The following RDX variants were observed in gnomAD, a reference collection of about 807,000 sequenced individuals.
The protein encoded by RDX is deafness, autosomal recessive 24.
A neutral mutation model predicts 83.7 loss-of-function variants in RDX; 32 were observed. The ratio of observed to expected loss-of-function variants is 0.38; its 90% CI spans 0.29 to 0.51. The LOEUF is 0.51. Among genes scored for constraint, RDX ranks in the 20% least tolerant of loss-of-function variants. The probability of loss-of-function intolerance (pLI) is 0.87; values close to 1 mark genes in which losing one functional copy is unlikely to be tolerated. For synonymous variants in RDX, 229 were observed against 222.7 expected (o/e 1.03, Z -0.25); for missense variants, 600 against 689.9 (o/e 0.87, Z 1.46).
At chr11:110,228,862 G>T (rs1331433939), downstream of RDX, among the ~76,000 whole-genome samples, 1 of 151,730 alleles carries the variant, frequency 6.6e-6, no homozygotes, top group African/African-American at 2.4e-5. Context: ...CAGGATCAGA[G>T]TAAAAAAATC....
At chr11:110,234,916 T>G (rs892410612) in intron 12 of RDX, among the ~76,000 whole-genome samples, 1 of 152,190 alleles carries the variant, frequency 6.6e-6, no homozygotes, top group African/African-American at 2.4e-5. Flanking sequence ...GGTAAAAAAA[T>G]TATCTTTTCA....
chr11:110,240,114 T>C (rs1865023956), intron 10 of RDX, among the ~76,000 whole-genome samples: 1 of 152,236 alleles, frequency 6.6e-6, no homozygotes, highest in Non-Finnish European at 1.5e-5. Flanking sequence ...CCTACGTTTA[T>C]TGCAGCACTA....
intron 10 of RDX, among the ~76,000 whole-genome samples, chr11:110,239,282 T>C (rs1864987614): frequency 6.7e-6 from 1 of 150,166 alleles, no homozygotes; most frequent in Admixed American, 6.6e-5. Flanking sequence ...GACATTGGTC[T>C]AGGCAAAGAT....
intron 10 of RDX, among the ~76,000 whole-genome samples, chr11:110,244,139 C>T (rs1267819546): frequency 1.3e-5 from 2 of 151,706 alleles, no homozygotes; most frequent in Non-Finnish European, 2.9e-5. Flanking sequence ...ATAAAATATA[C>T]CATATCCATA....
downstream of RDX, among the ~76,000 whole-genome samples, chr11:110,225,993 G>A (rs181255149): frequency 6.4e-3 from 967 of 150,176 alleles, 1 homozygote; most frequent in Non-Finnish European, 9.7e-3. Context: ...TTGAACCCAG[G>A]AGGCACAGGT....
chr11:110,225,659 A>T (rs903214602), downstream of RDX, among the ~76,000 whole-genome samples: 1 of 152,204 alleles, frequency 6.6e-6, no homozygotes, highest in African/African-American at 2.4e-5. Context: ...AACAATTGTT[A>T]GTGAGGATGT....
chr11:110,262,832 T>A (rs1374738032), intron 5 of RDX, among the ~76,000 whole-genome samples: 1 of 152,206 alleles, frequency 6.6e-6, no homozygotes, highest in Non-Finnish European at 1.5e-5. Flanking sequence ...AAGGGTGGAA[T>A]CGGTACTCAA....
At chr11:110,186,184 T>C (rs546018063) in intron 15 of RDX, among the ~76,000 whole-genome samples, 3 of 152,228 alleles carry the variant, frequency 2.0e-5, no homozygotes, top group African/African-American at 7.2e-5. Context: ...AATTCACGCG[T>C]GAAGAAAAGT....
intron 3 of RDX, among the ~76,000 whole-genome samples, chr11:110,266,720 A>G (rs1416701236): frequency 1.3e-5 from 2 of 152,096 alleles, no homozygotes; most frequent in East Asian, 3.9e-4. Flanking sequence ...GGCACATTCC[A>G]CCACACCTAG....
At chr11:110,236,744 C>T (rs1397651038) in intron 11 of RDX, 1 of 156,472 alleles carries the variant, frequency 6.4e-6, no homozygotes, top group Admixed American at 6.4e-5. Context: ...CTTCAGCCTC[C>T]CGAGTAGCTG....
chr11:110,257,151 G>GTATATGTAAATATACATATATTATACATA (rs1450485961), intron 7 of RDX, among the ~76,000 whole-genome samples: 7 of 150,906 alleles, frequency 4.6e-5, no homozygotes, highest in Non-Finnish European at 7.4e-5. Flanking sequence ...ACATATACAT[G>GTATATGTAAATATACATATATTATACATA]TATATGTAAA....
rs546481593 is a variant in RDX, at chr11:110,178,977, C to T, written c.*32-3743G>A. The stretch of plus-strand genomic sequence containing the variant: ...GTTACACCAAGCAACTAAAGACATT[C>T]GAGTTTGGGGTCCCTGCAAACAGGT... On this transcript the variant is annotated intron_variant, in intron 15 of 15. Coordinates refer to the RDX transcript ENST00000528498. Among the ~76,000 whole-genome samples, 13 of 152,276 alleles carry T rather than the reference C, an allele frequency of 8.5e-5. No homozygotes were observed. The South Asian group carries it at 2.3e-3, about 27-fold the overall frequency.
chr11:110,281,105 C>T (rs1860742850), intron 1 of RDX, among the ~76,000 whole-genome samples: 1 of 151,990 alleles, frequency 6.6e-6, no homozygotes, highest in African/African-American at 2.4e-5. Context: ...GCAGAGGTTG[C>T]AGTGAGCCGA....
chr11:110,206,421 ACTT>A (rs1302068963), intron 14 of RDX, among the ~76,000 whole-genome samples: 2 of 152,162 alleles, frequency 1.3e-5, no homozygotes, highest in Non-Finnish European at 2.9e-5. Context: ...TGTTTTGAGA[ACTT>A]CATCACGAAT....
chr11:110,296,126 G>A (rs985548739), intron 1 of RDX, among the ~76,000 whole-genome samples: 1 of 152,220 alleles, frequency 6.6e-6, no homozygotes, highest in Non-Finnish European at 1.5e-5. Context: ...CAGGGCGCTG[G>A]GGGTCCGACA....
intron 2 of RDX, 31 bp downstream of exon 2, chr11:110,279,650 G>A (rs768863200): frequency 1.4e-6 from 2 of 1,399,962 alleles, no homozygotes; most frequent in East Asian, 2.3e-5. Flanking sequence ...TTATTATTGA[G>A]ACACTGTCAA....
chr11:110,214,119 A>C (rs1305043217), intron 14 of RDX, among the ~76,000 whole-genome samples: 1 of 148,190 alleles, frequency 6.7e-6, no homozygotes, highest in Non-Finnish European at 1.5e-5. Context: ...TCCAGAATCT[A>C]CAATGAACTC....
chr11:110,186,183 G>A (rs952567855), intron 15 of RDX, among the ~76,000 whole-genome samples: 3 of 152,192 alleles, frequency 2.0e-5, no homozygotes, highest in Non-Finnish European at 4.4e-5. Context: ...CAATTCACGC[G>A]TGAAGAAAAG....
At chr11:110,208,736 C>G (rs1029165015) in intron 14 of RDX, among the ~76,000 whole-genome samples, 1 of 152,122 alleles carries the variant, frequency 6.6e-6, no homozygotes, top group Non-Finnish European at 1.5e-5. Context: ...TCAGGCGGAT[C>G]ACTTGAGGCC....
Sources: allele counts gnomAD v4.1 joint callset (sites outside exome capture counted in the v4.1 genomes callset), GRCh38; gene constraint gnomAD v4.1.1; transcripts MANE v1.5; gene names NCBI Gene and HGNC (gene_info 2026-07-23, HGNC 2026-07-21).